Variants in SMARCA2 observed in about 807,000 individuals in gnomAD.
The protein encoded by SMARCA2 is SWI/SNF-related matrix-associated actin-dependent regulator of chromatin subfamily A member 2.
SMARCA2 carries 61 observed loss-of-function variants against 199.8 expected under a neutral mutation model. The ratio of observed to expected loss-of-function variants is 0.31; its 90% CI spans 0.25 to 0.38. The LOEUF is 0.38. Among genes scored for constraint, SMARCA2 ranks in the 10% least tolerant of loss-of-function variants. The probability of loss-of-function intolerance (pLI) is 1.00; values close to 1 mark genes in which losing one functional copy is unlikely to be tolerated. For synonymous variants in SMARCA2, 935 were observed against 732.0 expected, an observed-to-expected ratio of 1.28 and a Z score of -4.48; for missense variants, 1,344 against 2,012.2, an observed-to-expected ratio of 0.67 and a Z score of 6.35.
At position 2,192,807 on chromosome 9, in the gene SMARCA2, G is replaced by C. The variant is rs966794882; in HGVS notation, c.*68G>C. ...CCCCTGTCTCATTTCTACCCAGTGA[G>C]TTCATTTGTCATATAGGCACTGGGT... is the stretch of plus-strand genomic sequence containing the variant. On this transcript the variant is annotated 3_prime_UTR_variant, in exon 34 of 34. Coordinates refer to ENST00000349721, the MANE Select transcript of SMARCA2 (RefSeq NM_003070.5). 1 of 1,178,916 alleles carries C rather than the reference G, an allele frequency of 8.5e-7. No individual in the cohort carries two copies. The highest frequency in any genetic ancestry group is 1.3e-6 in the Non-Finnish European group (1 of 785,940). The allele number at this position is 1,178,916 out of a possible 1,614,324, so 73.0% of individuals were successfully genotyped here. A position where few individuals can be genotyped will look rare whatever the true frequency, so the allele number is the denominator to read the frequency against.
At chr9:2,136,476 T>C (rs1372177191) in intron 27 of SMARCA2, among the ~76,000 whole-genome samples, 1 of 152,160 alleles carries the variant, frequency 6.6e-6, no homozygotes, top group Non-Finnish European at 1.5e-5. Context: ...GCGTGAACAC[T>C]GTGCCTGGCC....
In SMARCA2 at chr9:2,016,933, G is replaced by C. The variant is rs955793111; in HGVS notation, c.-37+1529G>C. Among the ~76,000 whole-genome samples, 3 of 151,702 alleles carry C rather than the reference G, an allele frequency of 2.0e-5. No individual in the cohort carries two copies. The highest frequency in any genetic ancestry group is 6.6e-5 in the Admixed American group (1 of 15,254). On this transcript the variant is annotated intron_variant, in intron 1 of 33. Coordinates refer to ENST00000349721, the MANE Select transcript of SMARCA2 (RefSeq NM_003070.5). The surrounding 1 kb of genome is among the most constrained non-coding windows in gnomAD (Gnocchi z 5.6). ...AACCGGTCCGGCGCGCCAGCCCCTC[G>C]GCGCCCTCCGGCCGCAGGGCGCACA...
At chr9:2,075,599 T>C (rs1821288219) in intron 12 of SMARCA2, among the ~76,000 whole-genome samples, 1 of 152,216 alleles carries the variant, frequency 6.6e-6, no homozygotes, top group Admixed American at 6.5e-5. Context: ...ACAGTGGACA[T>C]ATATGGGGCC....
chr9:2,185,993 TACTAA>T, intron 31 of SMARCA2, 98 bp from the exon 32 acceptor site: 1 of 1,154,664 alleles, frequency 8.7e-7, no homozygotes, highest in Non-Finnish European at 1.2e-6. Context: ...GTGACATTTC[TACTAA>T]AATTCATGTG....
At chr9:2,136,130 G>A (rs1252324502) in intron 27 of SMARCA2, among the ~76,000 whole-genome samples, 1 of 150,716 alleles carries the variant, frequency 6.6e-6, no homozygotes, top group African/African-American at 2.5e-5. Flanking sequence ...ATGAGCCATC[G>A]TGCCTGGCAA....
intron 26 of SMARCA2, among the ~76,000 whole-genome samples, chr9:2,121,875 T>C (rs963857509): frequency 1.3e-5 from 2 of 152,208 alleles, no homozygotes; most frequent in Admixed American, 1.3e-4. Flanking sequence ...ATTAAGCTTT[T>C]AGATGCTATG....
chr9:2,078,814 G>A (rs1206790672), intron 14 of SMARCA2, among the ~76,000 whole-genome samples: 2 of 151,794 alleles, frequency 1.3e-5, no homozygotes, highest in African/African-American at 4.8e-5. Context: ...GTGTGGTGGC[G>A]GGCACCTGTA....
In SMARCA2 at chr9:2,142,620, G is replaced by A. The variant is rs189788563; in HGVS notation, c.3981+18683G>A. Among the ~76,000 whole-genome samples the A allele has an allele frequency of 3.3e-5, 5 of 152,298 alleles. No homozygotes were observed. In the East Asian group the frequency reaches 5.8e-4, roughly 18 times the overall value. Reference sequence around the variant, plus strand: ...TATTTAATAGCCTGTAGAGTTGAACGTCTTCAAGCCGTTTAACTCTCAAAG... The same window carrying A: ...TATTTAATAGCCTGTAGAGTTGAACATCTTCAAGCCGTTTAACTCTCAAAG... On this transcript the variant is annotated intron_variant, in intron 27 of 33. Transcript: ENST00000349721.
Position 2,115,709 on chromosome 9 carries a change from C to T in SMARCA2, c.3457-113C>T, listed in dbSNP as rs576185697. ...TTTTAAAATGTAGGCAAAATCTTAC[C>T]TTAGTGAAGGTGAAATACAGAACCC... On this transcript the variant is annotated intron_variant, in intron 24 of 33. Transcript: ENST00000349721. This position sits in a 1 kb window ranked among gnomAD's most constrained non-coding sequence, Gnocchi z 6.0. 1 of 779,332 alleles carries T rather than the reference C, an allele frequency of 1.3e-6. No homozygotes were observed. The highest frequency in any genetic ancestry group is 1.8e-5 in the South Asian group (1 of 55,220). 48.3% of individuals were successfully genotyped at this position (779,332 alleles called of 1,614,324 possible). A position where few individuals can be genotyped will look rare whatever the true frequency, so the allele number is the denominator to read the frequency against.
chr9:2,046,821 G>C (rs76326638), intron 4 of SMARCA2, among the ~76,000 whole-genome samples: 5 of 151,944 alleles, frequency 3.3e-5, no homozygotes, highest in Non-Finnish European at 7.4e-5. Flanking sequence ...CAATGCACCT[G>C]TAATTAAAAA....
chr9:2,162,781 G>A (rs1397436443), intron 28 of SMARCA2: 1 of 152,164 alleles, frequency 6.6e-6, no homozygotes, highest in Admixed American at 6.5e-5. Flanking sequence ...CATCATTCCT[G>A]GAGGTACTGC....
intron 14 of SMARCA2, among the ~76,000 whole-genome samples, chr9:2,078,277 G>GC (rs1821412944): frequency 6.6e-6 from 1 of 151,952 alleles, no homozygotes; most frequent in South Asian, 2.1e-4. Flanking sequence ...CTCGAGACCA[G>GC]CCTGGCCAAC....
intron 5 of SMARCA2, among the ~76,000 whole-genome samples, chr9:2,052,851 C>G (rs1820184344): frequency 6.6e-6 from 1 of 152,122 alleles, no homozygotes; most frequent in Non-Finnish European, 1.5e-5. Flanking sequence ...GCAAGGAAGA[C>G]AAATGGTCTG....
chr9:2,022,382 T>C (rs1271426934), intron 1 of SMARCA2, among the ~76,000 whole-genome samples: 2 of 152,214 alleles, frequency 1.3e-5, no homozygotes, highest in Admixed American at 6.5e-5. Context: ...ATTTTGTAGG[T>C]AAGGAGCTTG....
At position 2,039,017 on chromosome 9, in the gene SMARCA2, C is replaced by G. The variant is rs930517616; in HGVS notation, c.356-449C>G. Among the ~76,000 whole-genome samples the G allele has an allele frequency of 6.6e-6, 1 of 152,184 alleles. No homozygotes were observed. The highest frequency in any genetic ancestry group is 2.4e-5 in the African/African-American group (1 of 41,430). ...CTTGGTTAGTGGTGAACAACAACCA[C>G]TAACGGTTTACCTTCTAGGACACAT... is the stretch of plus-strand genomic sequence containing the variant. On this transcript the variant is annotated intron_variant, in intron 3 of 33. Transcript: ENST00000349721. The surrounding 1 kb of genome is among the most constrained non-coding windows in gnomAD (Gnocchi z 4.8).
At chr9:2,187,975 G>GTAACGTCTCAAAATATTACAT (rs1827600270) in intron 32 of SMARCA2, among the ~76,000 whole-genome samples, 1 of 152,040 alleles carries the variant, frequency 6.6e-6, no homozygotes, top group South Asian at 2.1e-4. Flanking sequence ...GGAAAAAAAG[G>GTAACGTCTCAAAATATTACAT]TAACGTCTCA....
chr9:2,078,015 G>A (rs1315959315), intron 14 of SMARCA2, among the ~76,000 whole-genome samples: 2 of 152,132 alleles, frequency 1.3e-5, no homozygotes, highest in Non-Finnish European at 2.9e-5. Flanking sequence ...TGTATTTTAA[G>A]TGATCTCTGC....
intron 24 of SMARCA2, among the ~76,000 whole-genome samples, chr9:2,111,825 T>C (rs1334010431): frequency 2.0e-5 from 3 of 152,172 alleles, no homozygotes; most frequent in Non-Finnish European, 4.4e-5. Context: ...TAGATTCTCA[T>C]ACAGATGAGG....
In SMARCA2 at chr9:2,161,080, T is replaced by C. The variant is rs1825646577; in HGVS notation, c.3982-606T>C. 6.4e-6 allele frequency: 1 copy of C among 157,150 alleles called. No individual in the cohort carries two copies. Among genetic ancestry groups the C allele is most frequent in the African/African-American group, 2.4e-5 (1 of 41,526 alleles). The allele number at this position is 157,150 out of a possible 1,614,324, so 9.7% of individuals were successfully genotyped here. ...TATTGTTTGTGAGTGTGTGTGTTCT[T>C]TATCGAATGATTTAAGTGCGTTTAC... On this transcript the variant is annotated intron_variant, in intron 27 of 33. Transcript: ENST00000349721. The surrounding 1 kb of genome is among the most constrained non-coding windows in gnomAD (Gnocchi z 4.7).
Sources: gnomAD v4.1 joint callset for allele counts (sites outside exome capture counted in the v4.1 genomes callset) on GRCh38, gnomAD v4.1.1 for gene constraint, Gnocchi (gnomAD v3.1) non-coding constraint, MANE v1.5 for transcripts, NCBI Gene and HGNC (gene_info 2026-07-23, HGNC 2026-07-21) for gene names.